The following LRP1B variants were observed in gnomAD, a reference collection of about 807,000 sequenced individuals.
LRP1B encodes low-density lipoprotein receptor-related protein 1B.
Under a neutral mutation model 556.6 loss-of-function variants are expected in LRP1B, and 217 were observed. The observed-to-expected ratio is 0.39, with a 90% CI of 0.35 to 0.44. The LOEUF is 0.44. Among genes scored for constraint, LRP1B ranks in the 20% least tolerant of loss-of-function variants. The pLI is 1.00. For synonymous variants in LRP1B, 2,047 were observed against 1,865.8 expected, an observed-to-expected ratio of 1.10 and a Z score of -2.50; for missense variants, 5,053 against 5,620.8, an observed-to-expected ratio of 0.90 and a Z score of 3.23.
chr2:141,066,141 A>C (rs1699475537), intron 7 of LRP1B, among the ~76,000 whole-genome samples: 1 of 152,000 alleles, frequency 6.6e-6, no homozygotes, highest in South Asian at 2.1e-4. Flanking sequence ...AAGATGTTTA[A>C]CTATTAGCTC....
intron 43 of LRP1B, among the ~76,000 whole-genome samples, chr2:140,553,760 TG>T (rs920075703): frequency 3.9e-5 from 6 of 151,992 alleles, no homozygotes; most frequent in Non-Finnish European, 7.4e-5. Flanking sequence ...ACCCTGGAGC[TG>T]TACATCCTTA....
intron 53 of LRP1B, among the ~76,000 whole-genome samples, chr2:140,505,365 C>T (rs116146854): frequency 0.037 from 5,567 of 152,220 alleles, 149 homozygotes; most frequent in Non-Finnish European, 0.047. Flanking sequence ...CCACACACCA[C>T]GCTCTCTAGC....
intron 1 of LRP1B, among the ~76,000 whole-genome samples, chr2:141,845,309 G>T (rs1455099528): frequency 1.3e-5 from 2 of 151,594 alleles, no homozygotes; most frequent in African/African-American, 4.8e-5. Flanking sequence ...AATGGGATCA[G>T]GTTTAAATAA....
chr2:142,123,869 T>C (rs974803187), intron 1 of LRP1B, among the ~76,000 whole-genome samples: 2 of 151,880 alleles, frequency 1.3e-5, no homozygotes, highest in African/African-American at 4.8e-5. Flanking sequence ...GTGGTACAAA[T>C]GTATTAATCA....
intron 84 of LRP1B, among the ~76,000 whole-genome samples, chr2:140,277,897 G>C (rs888699333): frequency 2.6e-5 from 4 of 151,780 alleles, no homozygotes; most frequent in African/African-American, 9.7e-5. Flanking sequence ...CAAAAGAAAA[G>C]CATGCACATG....
intron 3 of LRP1B, among the ~76,000 whole-genome samples, chr2:141,462,644 A>G (rs771680222): frequency 2.0e-4 from 31 of 151,964 alleles, no homozygotes; most frequent in Admixed American, 5.9e-4. Flanking sequence ...CATGTATCTC[A>G]GAACTCAAAA....
intron 43 of LRP1B, among the ~76,000 whole-genome samples, chr2:140,570,901 A>T (rs1347150773): frequency 6.6e-6 from 1 of 151,850 alleles, no homozygotes; most frequent in Non-Finnish European, 1.5e-5. Flanking sequence ...TATGTTACAG[A>T]ATAAGAAACA....
chr2:141,450,538 A>G (rs1681378612), intron 3 of LRP1B, among the ~76,000 whole-genome samples: 1 of 152,016 alleles, frequency 6.6e-6, no homozygotes, highest in Non-Finnish European at 1.5e-5. Flanking sequence ...CTGATGAGAC[A>G]GAATCCTATT....
chr2:140,454,907 C>T (rs56261292), intron 62 of LRP1B, among the ~76,000 whole-genome samples: 2,443 of 152,124 alleles, frequency 0.016, 76 homozygotes, highest in African/African-American at 0.055. Context: ...ATTAAGTCAT[C>T]GCCACTGTAG....
chr2:141,249,465 T>C (rs1445664970), intron 4 of LRP1B, among the ~76,000 whole-genome samples: 5 of 152,058 alleles, frequency 3.3e-5, no homozygotes, highest in African/African-American at 1.2e-4. Flanking sequence ...GGCATGGTGG[T>C]GTACACTTGT....
intron 7 of LRP1B, among the ~76,000 whole-genome samples, chr2:141,108,330 G>GTTTTTTT (rs1700658550): frequency 1.5e-5 from 1 of 66,596 alleles, no homozygotes; most frequent in African/African-American, 5.7e-5. Flanking sequence ...TTTATAATCT[G>GTTTTTTT]TTTCTTTTTT....
chr2:140,700,772 G>A (rs1686609719), intron 40 of LRP1B, 151 bp from the exon 41 acceptor site: 4 of 821,306 alleles, frequency 4.9e-6, no homozygotes, highest in Non-Finnish European at 7.4e-6. Context: ...AATTAAAAAA[G>A]TATTGTTTTT....
intron 1 of LRP1B, among the ~76,000 whole-genome samples, chr2:141,895,700 T>C (rs1472899730): frequency 6.6e-6 from 1 of 152,218 alleles, no homozygotes; most frequent in Non-Finnish European, 1.5e-5. Flanking sequence ...CAAACAATGA[T>C]TTATGCTATA....
intron 3 of LRP1B, among the ~76,000 whole-genome samples, chr2:141,461,200 G>A (rs1246795941): frequency 1.3e-5 from 2 of 152,194 alleles, no homozygotes; most frequent in Admixed American, 6.6e-5. Flanking sequence ...GCACAATGGT[G>A]AACTAGGAAG....
At chr2:141,308,699 T>C (rs1418295113) in intron 3 of LRP1B, among the ~76,000 whole-genome samples, 1 of 152,130 alleles carries the variant, frequency 6.6e-6, no homozygotes, top group Non-Finnish European at 1.5e-5. Context: ...AGTTTTTAGA[T>C]ATGTAGAGTA....
intron 43 of LRP1B, among the ~76,000 whole-genome samples, chr2:140,563,018 G>A (rs900873819): frequency 5.9e-5 from 9 of 152,040 alleles, no homozygotes; most frequent in African/African-American, 2.2e-4. Flanking sequence ...CAATTCTAGG[G>A]TATAAGATGG....
intron 7 of LRP1B, among the ~76,000 whole-genome samples, chr2:141,177,949 G>C (rs577728387): frequency 5.3e-4 from 81 of 152,176 alleles, no homozygotes; most frequent in African/African-American, 1.8e-3. Flanking sequence ...AGTAGAAAGA[G>C]AAAGCCAAGG....
chr2:141,072,546 C>T (rs1699676212), intron 7 of LRP1B, among the ~76,000 whole-genome samples: 2 of 151,958 alleles, frequency 1.3e-5, no homozygotes, highest in Admixed American at 1.3e-4. Flanking sequence ...TACCTGTCTT[C>T]CCAACCACAC....
intron 1 of LRP1B, among the ~76,000 whole-genome samples, chr2:142,037,795 C>T (rs1574620837): frequency 6.6e-6 from 1 of 150,828 alleles, no homozygotes; most frequent in South Asian, 2.1e-4. Context: ...ACATTATTAC[C>T]CTAAACATTT....
Sources: gnomAD v4.1 joint callset for allele counts (sites outside exome capture counted in the v4.1 genomes callset) on GRCh38, gnomAD v4.1.1 for gene constraint, MANE v1.5 for transcripts, NCBI Gene and HGNC (gene_info 2026-07-23, HGNC 2026-07-21) for gene names.